PIWIL2: variants seen among roughly 807,000 people sequenced by gnomAD.
PIWIL2 encodes the protein piwi-like protein 2.
PIWIL2 carries 81 observed loss-of-function variants against 116.5 expected under a neutral mutation model. That is an observed-to-expected ratio of 0.70 (90% confidence interval 0.58 to 0.84). The LOEUF (loss-of-function observed/expected upper bound fraction) is 0.84. Among genes scored for constraint, PIWIL2 ranks in the 40% least tolerant of loss-of-function variants. PIWIL2 has a pLI of 0.00. For missense variants in PIWIL2, 1,272 were observed against 1,212.3 expected, an observed-to-expected ratio of 1.05 and a Z score of -0.73; for synonymous variants, 489 against 429.5, an observed-to-expected ratio of 1.14 and a Z score of -1.71.
chr8:22,308,803 C>T (rs1434540455), intron 14 of PIWIL2, among the ~76,000 whole-genome samples: 2 of 152,136 alleles, frequency 1.3e-5, no homozygotes, highest in South Asian at 2.1e-4. Flanking sequence ...CGCACACCAC[C>T]ATGCCTGGCT....
rs544402183 is a variant in PIWIL2 at position 22,356,376 on chromosome 8, G to C, written c.*871G>C. 11 of 152,348 alleles carry C rather than the reference G, an allele frequency of 7.2e-5. No homozygotes were observed. Among genetic ancestry groups the C allele is most frequent in the Non-Finnish European group, 8.8e-5 (6 of 68,036 alleles). The allele number at this position is 152,348 out of a possible 1,614,324, so 9.4% of individuals were successfully genotyped here. A position where few individuals can be genotyped will look rare whatever the true frequency, so the allele number is the denominator to read the frequency against. ...TCTGGGGATTGAATTGATGACGACT[G>C]TGACTTGAGTTGGATTCGAAAATGG... On this transcript the variant is annotated 3_prime_UTR_variant, in exon 23 of 23. Coordinates refer to ENST00000356766, the MANE Select transcript of PIWIL2 (RefSeq NM_018068.5).
At chr8:22,349,595 A>C (rs1391283366) in intron 20 of PIWIL2, among the ~76,000 whole-genome samples, 2 of 151,836 alleles carry the variant, frequency 1.3e-5, no homozygotes, top group African/African-American at 4.8e-5. Context: ...CCCCAAATCC[A>C]CTGTACTGTC....
chr8:22,281,293 A>G (rs1830493513), intron 3 of PIWIL2, 84 bp from the exon 4 acceptor site: 3 of 1,554,250 alleles, frequency 1.9e-6, no homozygotes, highest in African/African-American at 2.8e-5. Flanking sequence ...CAGAAACGTA[A>G]CTGTGCTTTT....
chr8:22,276,846 T>C (rs538440976), intron 1 of PIWIL2, among the ~76,000 whole-genome samples: 1 of 151,878 alleles, frequency 6.6e-6, no homozygotes, highest in Non-Finnish European at 1.5e-5. Context: ...GAGACTGCAG[T>C]GAGCTAAGAT....
intron 20 of PIWIL2, among the ~76,000 whole-genome samples, chr8:22,332,904 A>G (rs1831893629): frequency 1.3e-5 from 2 of 152,174 alleles, no homozygotes; most frequent in Admixed American, 1.3e-4. Flanking sequence ...GGAATAAGTA[A>G]CAATATAAGT....
At chr8:22,338,534 C>T (rs1210621670) in intron 20 of PIWIL2, among the ~76,000 whole-genome samples, 2 of 151,624 alleles carry the variant, frequency 1.3e-5, no homozygotes, top group Non-Finnish European at 2.9e-5. Flanking sequence ...CTACTAAAAA[C>T]GCAAAAGAAC....
rs7001201 is a variant in PIWIL2, at chr8:22,295,184, A to G, written c.1181+4838A>G. Among the ~76,000 whole-genome samples, 402 of 151,894 alleles carry G rather than the reference A, an allele frequency of 2.6e-3. 1 individual carries two copies. The highest frequency in any genetic ancestry group is 9.3e-3 in the African/African-American group (385 of 41,402). ...TTCCTTCTTTCCTCCTTTCTTCGAG[A>G]CAAGGTCTCATTTCATGGCCCAGAC... is the stretch of plus-strand genomic sequence containing the variant. On this transcript the variant is annotated intron_variant, in intron 10 of 22. Transcript: ENST00000356766.
chr8:22,350,725 G>T (rs965936081), intron 20 of PIWIL2, among the ~76,000 whole-genome samples: 1 of 152,214 alleles, frequency 6.6e-6, no homozygotes, highest in Non-Finnish European at 1.5e-5. Flanking sequence ...TTCTGGGCCA[G>T]AAGTGGTGGC....
chr8:22,299,954 G>T (rs139807876), intron 10 of PIWIL2, among the ~76,000 whole-genome samples: 1 of 151,138 alleles, frequency 6.6e-6, no homozygotes, highest in Admixed American at 6.6e-5. Flanking sequence ...TTTTTTGGGT[G>T]GGGGGAACAG....
In PIWIL2 at chr8:22,356,609, T is replaced by C. The variant is rs1228784410; in HGVS notation, c.*1104T>C. The C allele has an allele frequency of 2.6e-5, 4 of 152,212 alleles. No individual in the cohort carries two copies. Among genetic ancestry groups the C allele is most frequent in the Admixed American group, 2.0e-4 (3 of 15,282 alleles). The allele number at this position is 152,212 out of a possible 1,614,324, so 9.4% of individuals were successfully genotyped here. On this transcript the variant is annotated 3_prime_UTR_variant, in exon 23 of 23. Coordinates refer to ENST00000356766, the MANE Select transcript of PIWIL2 (RefSeq NM_018068.5). ...GTTGGGGTGGGAGTTTTTAGTGAAC[T>C]TTTCTCCCAGGTGTGTGGCCTTTAT...
intron 12 of PIWIL2, 57 bp downstream of exon 12, chr8:22,304,925 CT>C: frequency 8.6e-7 from 1 of 1,167,894 alleles, no homozygotes; most frequent in Non-Finnish European, 1.3e-6. Context: ...CTGTCAGCTG[CT>C]TTTAGCCGTC....
intron 20 of PIWIL2, among the ~76,000 whole-genome samples, chr8:22,340,722 ATTTC>A (rs1314299635): frequency 1.3e-5 from 2 of 151,926 alleles, no homozygotes; most frequent in African/African-American, 2.4e-5. Context: ...TTTTCTTTTT[ATTTC>A]TTTTTTTTCT....
chr8:22,351,751 G>T (rs1832368077), intron 20 of PIWIL2, among the ~76,000 whole-genome samples: 1 of 150,854 alleles, frequency 6.6e-6, no homozygotes. Context: ...GTTGGCCAGG[G>T]TGGTCTTGAA....
intron 10 of PIWIL2, 27 bp from the exon 11 acceptor site, chr8:22,303,994 C>G (rs1295953491): frequency 4.6e-6 from 7 of 1,536,186 alleles, no homozygotes; most frequent in Non-Finnish European, 6.3e-6. Flanking sequence ...ATACTGTGAT[C>G]CAAAAGTCTT....
At chr8:22,300,844 GGTT>G (rs1185265412) in intron 10 of PIWIL2, among the ~76,000 whole-genome samples, 1 of 152,100 alleles carries the variant, frequency 6.6e-6, no homozygotes, top group Admixed American at 6.6e-5. Flanking sequence ...TAAATATTTG[GGTT>G]GTTGTTTTTA....
intron 20 of PIWIL2, among the ~76,000 whole-genome samples, chr8:22,348,021 G>T (rs1832268645): frequency 6.6e-6 from 1 of 152,084 alleles, no homozygotes; most frequent in Non-Finnish European, 1.5e-5. Flanking sequence ...TTTTAGCTGA[G>T]CACAGTGGCC....
In PIWIL2 at chr8:22,313,056, C is replaced by G. The variant is rs909244862; in HGVS notation, c.1990-1272C>G. Among the ~76,000 whole-genome samples, 12 of 152,312 alleles carry G rather than the reference C, an allele frequency of 7.9e-5. 1 individual carries two copies. Among genetic ancestry groups the G allele is most frequent in the Admixed American group, 3.9e-4 (6 of 15,298 alleles). On this transcript the variant is annotated intron_variant, in intron 16 of 22. Transcript: ENST00000356766. ...CTGCTTTCAAAAGAATAACCCAGCC[C>G]AGTACATCAGCTCCCCCATTTCACA...
chr8:22,334,570 C>T (rs996398780), intron 20 of PIWIL2, among the ~76,000 whole-genome samples: 1 of 151,020 alleles, frequency 6.6e-6, no homozygotes, highest in African/African-American at 2.4e-5. Flanking sequence ...TTGATAGGTA[C>T]ATGACTTTGT....
At position 22,309,988 on chromosome 8, in the gene PIWIL2, A is replaced by C; in HGVS notation, c.1714A>C (p.Arg572=). ...KIEGRVLPME[R]INLKNTSFIT... is the part of the protein sequence containing the mutation. ...TGAAGGACGTGTTCTGCCAATGGAA[A>C]GAATTAACTTAAAAAATACTTCGTT... The change falls in exon 15 of 23, where the codon AGA becomes CGA. Residue 572 remains arginine, a synonymous_variant. Coordinates refer to ENST00000356766, the MANE Select transcript of PIWIL2 (RefSeq NM_018068.5). The C allele has an allele frequency of 6.2e-7, 1 of 1,609,162 alleles. No homozygotes were observed. Among genetic ancestry groups the C allele is most frequent in the Non-Finnish European group, 8.5e-7 (1 of 1,175,508 alleles).
Sources: allele counts gnomAD v4.1 joint callset (sites outside exome capture counted in the v4.1 genomes callset), GRCh38; gene constraint gnomAD v4.1.1; transcripts MANE v1.5; gene names NCBI Gene and HGNC (gene_info 2026-07-23, HGNC 2026-07-21).